Variants in TMEM132D observed in about 807,000 individuals in gnomAD.
TMEM132D encodes the protein mature OL transmembrane protein.
A neutral mutation model predicts 62.3 loss-of-function variants in TMEM132D; 21 were observed. That is an observed-to-expected ratio of 0.34 (90% CI 0.24 to 0.49). TMEM132D has a LOEUF of 0.49. Among genes scored for constraint, TMEM132D ranks in the 20% least tolerant of loss-of-function variants. TMEM132D has a pLI of 0.99. For synonymous variants in TMEM132D, 621 were observed against 575.6 expected, an observed-to-expected ratio of 1.08 and a Z score of -1.13; for missense variants, 1,346 against 1,402.8, an observed-to-expected ratio of 0.96 and a Z score of 0.65.
chr12:129,589,295 G>A (rs1878125699), intron 2 of TMEM132D, among the ~76,000 whole-genome samples: 1 of 152,120 alleles, frequency 6.6e-6, no homozygotes, highest in Admixed American at 6.5e-5. Flanking sequence ...TCCGTTGTCT[G>A]CTACCATGTA....
intron 3 of TMEM132D, among the ~76,000 whole-genome samples, chr12:129,516,135 C>G (rs1020677658): frequency 2.6e-5 from 4 of 152,164 alleles, no homozygotes; most frequent in Non-Finnish European, 4.4e-5. Flanking sequence ...GCTACACATC[C>G]TAGACAATTG....
intron 3 of TMEM132D, among the ~76,000 whole-genome samples, chr12:129,470,469 G>C (rs1436935951): frequency 6.6e-6 from 1 of 152,148 alleles, no homozygotes; most frequent in East Asian, 1.9e-4. Flanking sequence ...GCATATACTA[G>C]GGGTTGGGCT....
intron 1 of TMEM132D, among the ~76,000 whole-genome samples, chr12:129,897,176 A>G (rs1400988043): frequency 6.6e-6 from 1 of 152,230 alleles, no homozygotes; most frequent in East Asian, 1.9e-4. Flanking sequence ...CCCATGTCAC[A>G]ACAAATCCAT....
At chr12:129,641,801 C>T (rs920098005) in intron 2 of TMEM132D, among the ~76,000 whole-genome samples, 1 of 152,058 alleles carries the variant, frequency 6.6e-6, no homozygotes. Flanking sequence ...CAGATGAGTT[C>T]GACCAGCTTG....
chr12:129,901,233 T>C (rs1168743541), intron 1 of TMEM132D, among the ~76,000 whole-genome samples: 1 of 152,204 alleles, frequency 6.6e-6, no homozygotes, highest in Non-Finnish European at 1.5e-5. Flanking sequence ...CCATACTTGA[T>C]TGCAAGATGG....
chr12:129,327,743 GA>G (rs1868962317), intron 4 of TMEM132D, among the ~76,000 whole-genome samples: 1 of 152,044 alleles, frequency 6.6e-6, no homozygotes, highest in Non-Finnish European at 1.5e-5. Flanking sequence ...ACCACCAAAG[GA>G]GCCCCCAAAT....
At chr12:129,484,741 T>A (rs1566084744) in intron 3 of TMEM132D, among the ~76,000 whole-genome samples, 1 of 152,226 alleles carries the variant, frequency 6.6e-6, no homozygotes, top group Non-Finnish European at 1.5e-5. Context: ...CATGGAAACT[T>A]AAAAGATTAT....
intron 4 of TMEM132D, among the ~76,000 whole-genome samples, chr12:129,226,758 G>A (rs1441738629): frequency 6.6e-6 from 1 of 152,162 alleles, no homozygotes; most frequent in African/African-American, 2.4e-5. Context: ...TTTGCAGGGT[G>A]CACTGGCCTA....
intron 5 of TMEM132D, among the ~76,000 whole-genome samples, chr12:129,090,673 AAAAGAAAAG>A (rs1874878700): frequency 6.6e-6 from 1 of 151,522 alleles, no homozygotes; most frequent in Admixed American, 6.6e-5. Context: ...GTCTGAAAAA[AAAAGAAAAG>A]AAAAGAAAAG....
chr12:129,594,053 C>A (rs1050028314), intron 2 of TMEM132D, among the ~76,000 whole-genome samples: 4 of 152,230 alleles, frequency 2.6e-5, no homozygotes, highest in African/African-American at 9.6e-5. Context: ...GGGCTCACTT[C>A]TGGCTTCCGT....
At chr12:129,225,655 T>C (rs56036353) in intron 4 of TMEM132D, among the ~76,000 whole-genome samples, 1,533 of 152,324 alleles carry the variant, frequency 0.01, 30 homozygotes, top group African/African-American at 0.034. Context: ...AAGCAGTGCT[T>C]GGCATTATTA....
intron 1 of TMEM132D, among the ~76,000 whole-genome samples, chr12:129,876,832 G>T (rs1171441068): frequency 6.6e-6 from 1 of 152,118 alleles, no homozygotes; most frequent in Non-Finnish European, 1.5e-5. Context: ...ATTAGGTCAG[G>T]TATTAACGCC....
At chr12:129,534,116 G>C (rs796967470) in intron 2 of TMEM132D, among the ~76,000 whole-genome samples, 14 of 152,264 alleles carry the variant, frequency 9.2e-5, no homozygotes, top group African/African-American at 3.4e-4. Context: ...TTCTCCCTTT[G>C]TTTATGACAA....
chr12:129,407,934 G>A (rs868727652), intron 3 of TMEM132D, among the ~76,000 whole-genome samples: 23 of 151,656 alleles, frequency 1.5e-4, no homozygotes, highest in African/African-American at 5.6e-4. Flanking sequence ...GACCACAGAT[G>A]GACAGTGGTT....
chr12:129,803,824 T>A (rs1379758437), intron 1 of TMEM132D, among the ~76,000 whole-genome samples: 1 of 148,468 alleles, frequency 6.7e-6, no homozygotes, highest in Non-Finnish European at 1.5e-5. Context: ...GAGAGAAGAA[T>A]CAAATAGATG....
intron 3 of TMEM132D, among the ~76,000 whole-genome samples, chr12:129,518,485 C>T (rs1250457149): frequency 6.6e-6 from 1 of 151,160 alleles, no homozygotes; most frequent in Non-Finnish European, 1.5e-5. Flanking sequence ...CTTTTAGCCT[C>T]TTGACTATAT....
rs80193497 is a variant in TMEM132D at position 129,827,999 on chromosome 12, C to T, written c.79+75262G>A. On this transcript the variant is annotated intron_variant, in intron 1 of 8. Coordinates refer to ENST00000422113, the MANE Select transcript of TMEM132D (RefSeq NM_133448.3). The surrounding 1 kb of genome is among the most constrained non-coding windows in gnomAD (Gnocchi z 9.7). Reference sequence around the variant, plus strand: ...TTATTCTAAGTAAAATGAAGTGTGCCCTAAAGACAGACTCTGTAAATGAAA... The same window carrying T: ...TTATTCTAAGTAAAATGAAGTGTGCTCTAAAGACAGACTCTGTAAATGAAA... Among the ~76,000 whole-genome samples, 989 of 151,868 alleles carry T rather than the reference C, an allele frequency of 6.5e-3. 11 individuals are homozygous for T. The highest frequency in any genetic ancestry group is 0.023 in the African/African-American group (942 of 41,398).
chr12:129,440,103 G>A (rs934110214), intron 3 of TMEM132D, among the ~76,000 whole-genome samples: 1 of 152,200 alleles, frequency 6.6e-6, no homozygotes, highest in African/African-American at 2.4e-5. Flanking sequence ...CTGTTGTCAT[G>A]AGCCTCCGTG....
At chr12:129,884,260 AACTGG>A (rs1874688356) in intron 1 of TMEM132D, among the ~76,000 whole-genome samples, 1 of 152,240 alleles carries the variant, frequency 6.6e-6, no homozygotes, top group Admixed American at 6.5e-5. Flanking sequence ...AAAGAAGATA[AACTGG>A]ATGTCTTCTA....
Sources: allele counts gnomAD v4.1 joint callset (sites outside exome capture counted in the v4.1 genomes callset), GRCh38; gene constraint gnomAD v4.1.1; non-coding constraint Gnocchi (gnomAD v3.1); transcripts MANE v1.5; gene names NCBI Gene and HGNC (gene_info 2026-07-23, HGNC 2026-07-21).